ATRN: variants seen among roughly 807,000 people sequenced by gnomAD.
ATRN encodes attractin, also known as attractin-2.
Under a neutral mutation model 178.7 loss-of-function variants are expected in ATRN, and 54 were observed. The ratio of observed to expected loss-of-function variants is 0.30; its 90% CI spans 0.24 to 0.38. The LOEUF is 0.38. Ranked by LOEUF, ATRN falls within the 10% of genes least tolerant of loss-of-function variation. The pLI, the probability that ATRN is intolerant of heterozygous loss-of-function variation, is 1.00. For synonymous variants in ATRN, 636 were observed against 663.0 expected (o/e 0.96, Z 0.63); for missense variants, 1,443 against 1,815.1 (o/e 0.79, Z 3.73).
chr20:3,558,463 T>C (rs1020848101), intron 6 of ATRN, among the ~76,000 whole-genome samples: 19 of 152,104 alleles, frequency 1.2e-4, no homozygotes, highest in Non-Finnish European at 2.9e-5. Flanking sequence ...CAAGATTTTT[T>C]AAATACTTGG....
At chr20:3,644,700 C>T (rs1309156180) in intron 28 of ATRN, among the ~76,000 whole-genome samples, 2 of 152,210 alleles carry the variant, frequency 1.3e-5, no homozygotes, top group South Asian at 2.1e-4. Flanking sequence ...AGCCATCTCC[C>T]CTGGGCTGGT....
At chr20:3,606,524 C>T (rs1251430927) in intron 24 of ATRN, among the ~76,000 whole-genome samples, 1 of 152,164 alleles carries the variant, frequency 6.6e-6, no homozygotes, top group East Asian at 1.9e-4. Flanking sequence ...CAGTTGCTGC[C>T]TGGACAGCCC....
chr20:3,551,204 G>C (rs1224227919), intron 6 of ATRN, among the ~76,000 whole-genome samples: 2 of 152,200 alleles, frequency 1.3e-5, no homozygotes, highest in Admixed American at 6.5e-5. Context: ...ATGTCCCCTA[G>C]TGTAGTGACC....
chr20:3,486,906 T>A (rs2084702529), intron 1 of ATRN, among the ~76,000 whole-genome samples: 1 of 152,214 alleles, frequency 6.6e-6, no homozygotes. Flanking sequence ...GAAAGCTTCC[T>A]TTACATTTTA....
At chr20:3,580,644 T>G (rs1941744646) in intron 15 of ATRN, among the ~76,000 whole-genome samples, 2 of 152,114 alleles carry the variant, frequency 1.3e-5, no homozygotes, top group African/African-American at 4.8e-5. Context: ...GTGATTTAAT[T>G]AGTGCCCCCA....
At chr20:3,521,948 A>ATT (rs561224932) in intron 1 of ATRN, among the ~76,000 whole-genome samples, 1,598 of 145,632 alleles carry the variant, frequency 0.011, 14 homozygotes, top group Non-Finnish European at 0.016. Context: ...CATTCAGCTA[A>ATT]TTTTTTTTTT....
At chr20:3,628,857 G>A (rs952369459) in intron 25 of ATRN, 8 of 982,076 alleles carry the variant, frequency 8.1e-6, no homozygotes, top group Middle Eastern at 5.2e-4. Flanking sequence ...TGCCTATTAT[G>A]CAATCTTTTC....
intron 24 of ATRN, among the ~76,000 whole-genome samples, chr20:3,623,921 G>C (rs2086916216): frequency 6.6e-6 from 1 of 152,108 alleles, no homozygotes; most frequent in Non-Finnish European, 1.5e-5. Flanking sequence ...TGTTATTTTA[G>C]AGTTGATGAA....
intron 1 of ATRN, among the ~76,000 whole-genome samples, chr20:3,527,128 T>G (rs1009575181): frequency 1.3e-5 from 2 of 152,008 alleles, no homozygotes; most frequent in African/African-American, 4.8e-5. Context: ...GAAACTATCA[T>G]CAGAGTGAAC....
chr20:3,521,386 A>G (rs1044940050), intron 1 of ATRN, among the ~76,000 whole-genome samples: 3 of 152,162 alleles, frequency 2.0e-5, no homozygotes, highest in Admixed American at 6.5e-5. Flanking sequence ...CAAACAAGGA[A>G]TATTAACAGA....
intron 1 of ATRN, among the ~76,000 whole-genome samples, chr20:3,485,179 T>G (rs148210732): frequency 5.2e-4 from 79 of 152,194 alleles, no homozygotes; most frequent in African/African-American, 1.8e-3. Context: ...TATTTTGAAT[T>G]TTTATATCTA....
intron 25 of ATRN, among the ~76,000 whole-genome samples, chr20:3,631,779 G>A (rs1457170989): frequency 1.3e-5 from 2 of 152,192 alleles, no homozygotes; most frequent in Non-Finnish European, 2.9e-5. Context: ...CAACTTAGAA[G>A]CTGTTGCCGT....
chr20:3,565,301 G>C, intron 10 of ATRN, 47 bp from the exon 11 acceptor site: 1 of 1,460,406 alleles, frequency 6.8e-7, no homozygotes, highest in Non-Finnish European at 9.5e-7. Context: ...AGGTCCTGTT[G>C]ATTAGAAATG....
intron 24 of ATRN, among the ~76,000 whole-genome samples, chr20:3,623,043 C>G (rs6107321): frequency 6.6e-6 from 1 of 152,314 alleles, no homozygotes; most frequent in South Asian, 2.1e-4. Context: ...AGTGTAAACA[C>G]CGAGGACACA....
At chr20:3,555,025 C>T (rs180821996) in intron 6 of ATRN, among the ~76,000 whole-genome samples, 5,079 of 94,706 alleles carry the variant, frequency 0.054, 147 homozygotes, top group Middle Eastern at 0.1. Context: ...TTTTTTGAGA[C>T]GGAGTCTCGC....
At chr20:3,478,263 A>G (rs940710787) in intron 1 of ATRN, among the ~76,000 whole-genome samples, 1 of 152,136 alleles carries the variant, frequency 6.6e-6, no homozygotes, top group South Asian at 2.1e-4. Context: ...TGTTTATTGC[A>G]GCACTATTCA....
chr20:3,574,285 G>A (rs938884402), intron 12 of ATRN, among the ~76,000 whole-genome samples: 2 of 152,194 alleles, frequency 1.3e-5, no homozygotes, highest in African/African-American at 2.4e-5. Context: ...GCTGAGGTAT[G>A]GGGATCACTT....
At chr20:3,492,565 T>C (rs1395706829) in intron 1 of ATRN, among the ~76,000 whole-genome samples, 2 of 151,970 alleles carry the variant, frequency 1.3e-5, no homozygotes, top group Non-Finnish European at 2.9e-5. Context: ...AGAGTGGGAA[T>C]GGAGATGAAG....
chr20:3,481,585 A>G (rs570729656), intron 1 of ATRN, among the ~76,000 whole-genome samples: 10 of 152,248 alleles, frequency 6.6e-5, no homozygotes, highest in East Asian at 1.9e-4. Flanking sequence ...GGTTCAAGCA[A>G]TCCTCTCATC....
Sources: allele counts gnomAD v4.1 joint callset (sites outside exome capture counted in the v4.1 genomes callset), GRCh38; gene constraint gnomAD v4.1.1; transcripts MANE v1.5; gene names NCBI Gene and HGNC (gene_info 2026-07-23, HGNC 2026-07-21).